Variants in ELAVL3 observed in about 807,000 individuals in gnomAD.
ELAVL3 encodes the protein ELAV like RNA binding protein 3.
In ELAVL3, 8 loss-of-function variants were observed where a neutral mutation model predicts 34.2. The observed-to-expected ratio is 0.23, with a 90% CI of 0.14 to 0.42. ELAVL3 has a LOEUF of 0.42. ELAVL3 is among the 10% of genes least tolerant of loss of function. The probability of loss-of-function intolerance (pLI) is 1.00; values close to 1 mark genes in which losing one functional copy is unlikely to be tolerated. For missense variants in ELAVL3, 273 were observed against 518.8 expected (o/e 0.53, Z 4.60); for synonymous variants, 209 against 222.1 (o/e 0.94, Z 0.53).
intron 1 of ELAVL3, among the ~76,000 whole-genome samples, chr19:11,470,183 C>T (rs190118275): frequency 0.011 from 1,644 of 152,040 alleles, 18 homozygotes; most frequent in Non-Finnish European, 0.017. Flanking sequence ...GGTGAAACCC[C>T]GCCTCTACTA....
Position 11,480,474 on chromosome 19 carries a change from A to G in ELAVL3, c.9+126T>C, listed in dbSNP as rs1445429491. 53 of 752,182 alleles carry G rather than the reference A, an allele frequency of 7.0e-5. No individual in the cohort carries two copies. The highest frequency in any genetic ancestry group is 9.3e-5 in the Non-Finnish European group (49 of 524,968). The allele number at this position is 752,182 out of a possible 1,614,324, so 46.6% of individuals were successfully genotyped here. Reference sequence around the variant, plus strand: ...CTCTCAGGCCCCGAGGCTTGGTCCTACCCCCCCAACCCGGGCCTAGCTAGG... The same window carrying G: ...CTCTCAGGCCCCGAGGCTTGGTCCTGCCCCCCCAACCCGGGCCTAGCTAGG... On this transcript the variant is annotated intron_variant, in intron 1 of 6. Transcript: ENST00000359227. This position sits in a 1 kb window ranked among gnomAD's most constrained non-coding sequence, Gnocchi z 6.8.
rs1971363259 is a variant in ELAVL3 at position 11,480,782 on chromosome 19, C to T, written c.-174G>A. The T allele has an allele frequency of 1.9e-6, 1 of 513,928 alleles. No individual in the cohort carries two copies. Among genetic ancestry groups the T allele is most frequent in the Non-Finnish European group, 3.0e-6 (1 of 329,650 alleles). 31.8% of individuals were successfully genotyped at this position (513,928 alleles called of 1,614,324 possible). ...CTCGAGGGCCAGGGACGGGCCCGAA[C>T]CCGGGGATGCGCGCGCGGATGGCCG... On this transcript the variant is annotated 5_prime_UTR_variant, in exon 1 of 7. Coordinates refer to ENST00000359227, the MANE Select transcript of ELAVL3 (RefSeq NM_001420.4). This position sits in a 1 kb window ranked among gnomAD's most constrained non-coding sequence, Gnocchi z 6.8.
chr19:11,472,677 G>C (rs761889036), intron 1 of ELAVL3, among the ~76,000 whole-genome samples: 1 of 151,866 alleles, frequency 6.6e-6, no homozygotes, highest in Admixed American at 6.6e-5. Flanking sequence ...CTCCAGCCTG[G>C]GCAACATAGT....
At chr19:11,467,594 C>T (rs963827219) in intron 1 of ELAVL3, among the ~76,000 whole-genome samples, 2 of 150,938 alleles carry the variant, frequency 1.3e-5, no homozygotes, top group African/African-American at 4.9e-5. Context: ...AGCGATTCTC[C>T]TGCCTCAGCC....
At position 11,454,373 on chromosome 19, in the gene ELAVL3, C is replaced by T; in HGVS notation, c.*153G>A. On this transcript the variant is annotated 3_prime_UTR_variant, in exon 7 of 7. Coordinates refer to ENST00000359227, the MANE Select transcript of ELAVL3 (RefSeq NM_001420.4). This position sits in a 1 kb window ranked among gnomAD's most constrained non-coding sequence, Gnocchi z 9.2. The stretch of plus-strand genomic sequence containing the variant: ...GCAGACCCTCCCACCCCAGAGTGCT[C>T]ACCCTGTGGCTTCCGCAGGGACGTG... 1.3e-6 allele frequency: 1 copy of T among 747,432 alleles called. No homozygotes were observed. The highest frequency in any genetic ancestry group is 1.9e-5 in the South Asian group (1 of 52,786). 46.3% of individuals were successfully genotyped at this position (747,432 alleles called of 1,614,324 possible).
At chr19:11,461,422 A>G (rs1030310454) in intron 3 of ELAVL3, among the ~76,000 whole-genome samples, 1 of 151,620 alleles carries the variant, frequency 6.6e-6, no homozygotes, top group African/African-American at 2.4e-5. Context: ...GTCATCAGCA[A>G]TTCTCCCCCT....
intron 1 of ELAVL3, among the ~76,000 whole-genome samples, chr19:11,474,011 G>A (rs1490450641): frequency 1.3e-5 from 2 of 152,110 alleles, no homozygotes; most frequent in African/African-American, 2.4e-5. Flanking sequence ...TCCATCATCC[G>A]TACCTCATAA....
In ELAVL3 at chr19:11,451,793, G is replaced by A. The variant is rs1970644752; in HGVS notation, c.*2733C>T. ...CAGTCTTGGGGGTGGCAGGGGCCTA[G>A]GCCTCGGTGGGGGGGGGGTGTGTGG... is the stretch of plus-strand genomic sequence containing the variant. On this transcript the variant is annotated 3_prime_UTR_variant, in exon 7 of 7. Transcript: ENST00000359227. 2 of 148,498 alleles carry A rather than the reference G, an allele frequency of 1.3e-5. No individual in the cohort carries two copies. Among genetic ancestry groups the A allele is most frequent in the Admixed American group, 6.6e-5 (1 of 15,236 alleles). 9.2% of individuals were successfully genotyped at this position (148,498 alleles called of 1,614,324 possible).
chr19:11,462,022 A>G (rs1970895875), intron 3 of ELAVL3, among the ~76,000 whole-genome samples: 1 of 152,016 alleles, frequency 6.6e-6, no homozygotes, highest in South Asian at 2.1e-4. Context: ...AAAAATACAA[A>G]AAATTAGCCA....
Position 11,458,126 on chromosome 19 carries a change from G to A in ELAVL3, c.648C>T (p.Thr216=), listed in dbSNP as rs921895772. The part of the protein sequence containing the change: ...PSQKTGQALL[T]HLYQSSARRY... ...GCCGGGCGGATGACTGGTAGAGGTGGGTGAGCAGCGCCTGCCCCGTCTTCT... is the reference window on the plus strand; with the variant it reads ...GCCGGGCGGATGACTGGTAGAGGTGAGTGAGCAGCGCCTGCCCCGTCTTCT... Residue 216 remains threonine (T), a synonymous_variant, in exon 5 of 7, where the codon ACC becomes ACT. Transcript: ENST00000359227. This position sits in a 1 kb window ranked among gnomAD's most constrained non-coding sequence, Gnocchi z 7.3. 3 of 1,614,112 alleles carry A rather than the reference G, an allele frequency of 1.9e-6. No individual in the cohort carries two copies. The highest frequency in any genetic ancestry group is 2.5e-6 in the Non-Finnish European group (3 of 1,180,034).
At chr19:11,479,325 A>C (rs1208429868) in intron 1 of ELAVL3, among the ~76,000 whole-genome samples, 1 of 151,978 alleles carries the variant, frequency 6.6e-6, no homozygotes, top group Non-Finnish European at 1.5e-5. Flanking sequence ...CCCAGGGTCC[A>C]GGAGGGGAGA....
In ELAVL3 at chr19:11,458,089, G is replaced by T; in HGVS notation, c.685C>A (p.Pro229Thr). 1 of 1,613,498 alleles carries T rather than the reference G, an allele frequency of 6.2e-7. No individual in the cohort carries two copies. The change falls in exon 5 of 7, where the codon CCC becomes ACC. Residue 229 changes from proline to threonine, a missense_variant. Pro to Thr is a conservative substitution (Grantham distance 38, BLOSUM62 -1). Around this residue, in one of 4 missense-constraint regions of ELAVL3, gnomAD observed 79 missense variants for 108.2 expected, o/e 0.73. Transcript: ENST00000359227. The surrounding 1 kb of genome is among the most constrained non-coding windows in gnomAD (Gnocchi z 7.3). ...YQSSARRYAGPLHHQTQRFRL... is the reference protein window; with the variant it reads ...YQSSARRYAGTLHHQTQRFRL... Reference sequence around the variant, plus strand: ...AAACGCTGGGTCTGATGGTGTAGGGGGCCTGCGTAGCGCCGGGCGGATGAC... The same window carrying T: ...AAACGCTGGGTCTGATGGTGTAGGGTGCCTGCGTAGCGCCGGGCGGATGAC...
Position 11,458,638 on chromosome 19 carries a change from G to A in ELAVL3, c.334-27C>T, listed in dbSNP as rs548382877. 1.7e-5 allele frequency: 28 copies of A among 1,611,554 alleles called. No homozygotes were observed. The African/African-American group carries it at 2.8e-4, about 16-fold the overall frequency. On this transcript the variant is annotated intron_variant, in intron 3 of 6. Transcript: ENST00000359227. The surrounding 1 kb of genome is among the most constrained non-coding windows in gnomAD (Gnocchi z 7.3). ...TGGGTGAGGGGGTCAGATGGACAGG[G>A]GTGAGGCAGAGACCCATTTCACAGA...
chr19:11,472,169 C>A (rs1330290616), intron 1 of ELAVL3, among the ~76,000 whole-genome samples: 2 of 151,876 alleles, frequency 1.3e-5, no homozygotes, highest in Admixed American at 6.6e-5. Flanking sequence ...GCTAACATAG[C>A]GAAACTGTCT....
In ELAVL3 at chr19:11,451,804, G is replaced by T. The variant is rs886557117; in HGVS notation, c.*2722C>A. 7 of 152,042 alleles carry T rather than the reference G, an allele frequency of 4.6e-5. No homozygotes were observed. The highest frequency in any genetic ancestry group is 3.9e-4 in the East Asian group (2 of 5,170). The allele number at this position is 152,042 out of a possible 1,614,324, so 9.4% of individuals were successfully genotyped here. ...GTGGCAGGGGCCTAGGCCTCGGTGG[G>T]GGGGGGGTGTGTGGGGAGGTGCCCC... On this transcript the variant is annotated 3_prime_UTR_variant, in exon 7 of 7. Transcript: ENST00000359227.
chr19:11,458,283 A>C lies in ELAVL3; in HGVS notation c.491T>G (p.Val164Gly). ...SRILVDQVTG[V>G]SRGVGFIRFD... The stretch of plus-strand genomic sequence containing the variant: ...GCGGATGAATCCCACACCCCGAGAG[A>C]CACCTGCCAGGGGGCAGGGATGTCC... The change falls in exon 5 of 7, where the codon GTC (valine) becomes GGC (glycine). Residue 164 changes from valine (V) to glycine (G), a missense_variant. Physicochemically the swap from Val to Gly is moderately radical, Grantham distance 109. Around this residue, in one of 4 missense-constraint regions of ELAVL3, gnomAD observed 102 missense variants for 250.1 expected, o/e 0.41. Coordinates refer to ENST00000359227, the MANE Select transcript of ELAVL3 (RefSeq NM_001420.4). The surrounding 1 kb of genome is among the most constrained non-coding windows in gnomAD (Gnocchi z 7.3). 6.2e-7 allele frequency: 1 copy of C among 1,613,432 alleles called. No homozygotes were observed. The highest frequency in any genetic ancestry group is 8.5e-7 in the Non-Finnish European group (1 of 1,179,888).
intron 1 of ELAVL3, among the ~76,000 whole-genome samples, chr19:11,479,422 GCA>G (rs755381605): frequency 2.6e-5 from 4 of 152,140 alleles, no homozygotes; most frequent in Admixed American, 1.3e-4. Context: ...GAGACACAAT[GCA>G]CAGAGACACA....
intron 1 of ELAVL3, among the ~76,000 whole-genome samples, chr19:11,474,879 G>C (rs1971234494): frequency 6.6e-6 from 1 of 152,070 alleles, no homozygotes; most frequent in African/African-American, 2.4e-5. Context: ...GCCCAGGCTG[G>C]AGTGCAGTGG....
In ELAVL3 at chr19:11,466,394, G is replaced by A; in HGVS notation, c.230-119C>T. On this transcript the variant is annotated intron_variant, in intron 2 of 6. Coordinates refer to ENST00000359227, the MANE Select transcript of ELAVL3 (RefSeq NM_001420.4). This position sits in a 1 kb window ranked among gnomAD's most constrained non-coding sequence, Gnocchi z 5.0. ...AGTTTCCACCTTCCTGTTTCCAGAT[G>A]ACACCTTCGATGCTAGAGTCCCACC... The A allele has an allele frequency of 9.3e-7, 1 of 1,080,186 alleles. No homozygotes were observed. The highest frequency in any genetic ancestry group is 1.4e-6 in the Non-Finnish European group (1 of 720,800). 66.9% of individuals were successfully genotyped at this position (1,080,186 alleles called of 1,614,324 possible).
Sources: gnomAD v4.1 joint callset for allele counts (sites outside exome capture counted in the v4.1 genomes callset) on GRCh38, gnomAD v4.1.1 for gene constraint, gnomAD v4.1.1 regional missense constraint, Gnocchi (gnomAD v3.1) non-coding constraint, MANE v1.5 for transcripts, NCBI Gene and HGNC (gene_info 2026-07-23, HGNC 2026-07-21) for gene names.